Variants in HSDL2 observed in about 807,000 individuals in gnomAD.
HSDL2 encodes hydroxysteroid dehydrogenase like 2, also known as hydroxysteroid dehydrogenase-like protein 2.
In HSDL2, 27 loss-of-function variants were observed where a neutral mutation model predicts 46.3. The observed-to-expected ratio is 0.58, with a 90% CI of 0.43 to 0.80. The LOEUF is 0.80. Ranked by LOEUF, HSDL2 falls within the 30% of genes least tolerant of loss-of-function variation. The pLI is 0.00. For synonymous variants in HSDL2, 153 were observed against 163.6 expected, an observed-to-expected ratio of 0.94 and a Z score of 0.50; for missense variants, 451 against 502.7, an observed-to-expected ratio of 0.90 and a Z score of 0.98.
At chr9:112,403,443 G>A (rs58800224) in intron 1 of HSDL2, among the ~76,000 whole-genome samples, 20,925 of 152,242 alleles carry the variant, frequency 0.14, 1,826 homozygotes, top group East Asian at 0.21. Flanking sequence ...TTCATTGTAT[G>A]CGTGGCTACA....
intron 8 of HSDL2, among the ~76,000 whole-genome samples, chr9:112,445,051 A>G (rs781663402): frequency 3.3e-5 from 5 of 151,642 alleles, no homozygotes; most frequent in Admixed American, 2.0e-4. Context: ...GCTAATTTTT[A>G]AATTTTTTGT....
chr9:112,465,081 A>G (rs1833337502), intron 10 of HSDL2, among the ~76,000 whole-genome samples: 1 of 152,210 alleles, frequency 6.6e-6, no homozygotes, highest in East Asian at 1.9e-4. Context: ...TTAGTATTTC[A>G]TAACCTTTTA....
At chr9:112,454,381 G>A (rs544517354) in intron 9 of HSDL2, among the ~76,000 whole-genome samples, 2 of 152,152 alleles carry the variant, frequency 1.3e-5, no homozygotes, top group Non-Finnish European at 2.9e-5. Flanking sequence ...AGGCTGGAGA[G>A]CAATGGCATG....
rs150436791 is a variant in HSDL2, at chr9:112,454,668, C to T, written c.1015+506C>T. 3.4e-3 allele frequency among the ~76,000 whole-genome samples: 511 copies of T among 152,118 alleles called. 3 individuals carry two copies. Among genetic ancestry groups the T allele is most frequent in the African/African-American group, 0.012 (483 of 41,502 alleles). ...TTTGACATTAACCAGGTCGGTCTGACGGTAGTCAGCTTTTTTTCACTTTTT... is the reference window on the plus strand; with the variant it reads ...TTTGACATTAACCAGGTCGGTCTGATGGTAGTCAGCTTTTTTTCACTTTTT... On this transcript the variant is annotated intron_variant, in intron 9 of 10. Coordinates refer to ENST00000398805, the MANE Select transcript of HSDL2 (RefSeq NM_032303.5).
chr9:112,468,872 C>T (rs1833478509), intron 10 of HSDL2, among the ~76,000 whole-genome samples: 1 of 152,134 alleles, frequency 6.6e-6, no homozygotes, highest in Admixed American at 6.6e-5. Context: ...CTGCAAAGCT[C>T]ATTGGAAGAT....
chr9:112,424,042 TG>T (rs550318768), intron 6 of HSDL2, among the ~76,000 whole-genome samples: 18 of 146,234 alleles, frequency 1.2e-4, no homozygotes, highest in African/African-American at 4.0e-4. Flanking sequence ...AAAATTAGAC[TG>T]GGCGCAGTGG....
At chr9:112,422,483 T>C (rs566763693) in intron 6 of HSDL2, among the ~76,000 whole-genome samples, 2 of 152,298 alleles carry the variant, frequency 1.3e-5, no homozygotes, top group African/African-American at 4.8e-5. Flanking sequence ...TACATATATA[T>C]GTATGTAATA....
chr9:112,454,322 G>A (rs551845987), intron 9 of HSDL2, among the ~76,000 whole-genome samples, 160 bp downstream of exon 9: 4 of 152,234 alleles, frequency 2.6e-5, no homozygotes, highest in South Asian at 4.1e-4. Context: ...CATAACTATT[G>A]ATTTGTTTTT....
chr9:112,423,678 TC>T (rs1231412122), intron 6 of HSDL2, among the ~76,000 whole-genome samples: 3 of 151,794 alleles, frequency 2.0e-5, no homozygotes, highest in African/African-American at 4.8e-5. Flanking sequence ...TTTCTAACCG[TC>T]TCGTTTTGAG....
chr9:112,398,870 TC>T (rs2132612739), intron 1 of HSDL2, among the ~76,000 whole-genome samples: 1 of 152,240 alleles, frequency 6.6e-6, no homozygotes, highest in East Asian at 1.9e-4. Flanking sequence ...GTACCTGAAC[TC>T]CTCCCTGTTT....
chr9:112,413,486 AAAAAAAAAG>A (rs1465965635), intron 4 of HSDL2, among the ~76,000 whole-genome samples: 2 of 72,904 alleles, frequency 2.7e-5, no homozygotes, highest in African/African-American at 9.3e-5. Flanking sequence ...ATTCCCTCTC[AAAAAAAAAG>A]AAAAAAAAGA....
At chr9:112,420,866 T>C (rs954827613) in intron 6 of HSDL2, among the ~76,000 whole-genome samples, 2 of 152,236 alleles carry the variant, frequency 1.3e-5, no homozygotes, top group African/African-American at 2.4e-5. Flanking sequence ...TCAATAACTT[T>C]TATGTTTTCA....
At chr9:112,466,532 GAC>G (rs1833388717) in intron 10 of HSDL2, among the ~76,000 whole-genome samples, 2 of 132,628 alleles carry the variant, frequency 1.5e-5, no homozygotes, top group African/African-American at 2.9e-5. Context: ...TAGCCTGGGT[GAC>G]ACAGAGACTG....
Position 112,385,390 on chromosome 9 carries a change from G to A in HSDL2, c.17+5210G>A, listed in dbSNP as rs1467295185. 1.1e-4 allele frequency among the ~76,000 whole-genome samples: 16 copies of A among 151,942 alleles called. No individual in the cohort carries two copies. The South Asian group carries it at 1.9e-3, about 18-fold the overall frequency. ...GTCGCCCAGGATGGAGTGCAGTGGCGCGATCTAGGCTCACTGCAACCTCTG... is the reference window on the plus strand; with the variant it reads ...GTCGCCCAGGATGGAGTGCAGTGGCACGATCTAGGCTCACTGCAACCTCTG... On this transcript the variant is annotated intron_variant, in intron 1 of 10. Transcript: ENST00000398805.
In HSDL2 at chr9:112,407,857, A is replaced by G. The variant is rs188316163; in HGVS notation, c.281-1050A>G. On this transcript the variant is annotated intron_variant, in intron 3 of 10. Coordinates refer to ENST00000398805, the MANE Select transcript of HSDL2 (RefSeq NM_032303.5). ...AACCATCATTAAGTACACTTCACAA[A>G]GAATAATGAAGACCAGGTAGAAACA... Among the ~76,000 whole-genome samples, 803 of 152,364 alleles carry G rather than the reference A, an allele frequency of 5.3e-3. 10 individuals are homozygous for G. The highest frequency in any genetic ancestry group is 0.018 in the African/African-American group (759 of 41,586).
chr9:112,400,532 G>C (rs1288105220), intron 1 of HSDL2, among the ~76,000 whole-genome samples: 1 of 152,192 alleles, frequency 6.6e-6, no homozygotes, highest in East Asian at 1.9e-4. Flanking sequence ...GCTTGAACCT[G>C]GGAGGCGGAG....
intron 6 of HSDL2, among the ~76,000 whole-genome samples, chr9:112,435,811 C>T (rs1832511701): frequency 6.6e-6 from 1 of 152,008 alleles, no homozygotes; most frequent in African/African-American, 2.4e-5. Flanking sequence ...TAGCTCACTG[C>T]AGCCTCAAAT....
intron 10 of HSDL2, among the ~76,000 whole-genome samples, chr9:112,466,126 T>C (rs1465791320): frequency 6.6e-6 from 1 of 152,250 alleles, no homozygotes; most frequent in Non-Finnish European, 1.5e-5. Context: ...ATTGTTTTGA[T>C]TTGCATTTCT....
At position 112,418,850 on chromosome 9, in the gene HSDL2, G is replaced by T. The variant is rs111704739; in HGVS notation, c.500-10G>T. 4.1e-6 allele frequency: 6 copies of T among 1,456,704 alleles called. No individual in the cohort carries two copies. Among genetic ancestry groups the T allele is most frequent in the Admixed American group, 2.1e-5 (1 of 48,188 alleles). 90.2% of individuals were successfully genotyped at this position (1,456,704 alleles called of 1,614,324 possible). On this transcript the variant is annotated splice_polypyrimidine_tract_variant and intron_variant, in intron 5 of 10. Transcript: ENST00000398805. ...TATAATTAAATTATTATTTTTTGTG[G>T]TTCTTTCAGCTTATACCATTGCTAA...
Sources: allele counts gnomAD v4.1 joint callset (sites outside exome capture counted in the v4.1 genomes callset), GRCh38; gene constraint gnomAD v4.1.1; transcripts MANE v1.5; gene names NCBI Gene and HGNC (gene_info 2026-07-23, HGNC 2026-07-21).